Variants in PSG8 observed in about 807,000 individuals in gnomAD.
The protein encoded by PSG8 is pregnancy specific beta-1-glycoprotein 8.
In PSG8, 57 loss-of-function variants were observed where a neutral mutation model predicts 42.5. The ratio of observed to expected loss-of-function variants is 1.34; its 90% CI spans 1.08 to 1.67. The LOEUF (loss-of-function observed/expected upper bound fraction) is 1.67. Among genes scored for constraint, PSG8 ranks in the 40% most tolerant of loss-of-function variants. The pLI is 0.00. For missense variants in PSG8, 783 were observed against 518.6 expected (o/e 1.51, Z -4.95); for synonymous variants, 280 against 196.8 (o/e 1.42, Z -3.54).
intron 1 of PSG8, among the ~76,000 whole-genome samples, chr19:42,764,754 C>T (rs1600423876): frequency 6.6e-6 from 1 of 152,108 alleles, no homozygotes; most frequent in Non-Finnish European, 1.5e-5. Context: ...CTGTCTTCCC[C>T]TCCATGACAG....
chr19:42,759,324 C>G (rs1191831090), intron 2 of PSG8, among the ~76,000 whole-genome samples: 1 of 152,068 alleles, frequency 6.6e-6, no homozygotes, highest in Non-Finnish European at 1.5e-5. Context: ...GAGCTGGGAT[C>G]AGGGCAATAG....
chr19:42,758,052 C>G lies in PSG8; in HGVS notation c.659G>C (p.Arg220Pro), dbSNP rs139399276. ...ACTGCGGCTGGCACTCACTGGGTTC[C>G]GTATTTCACATTCATAGGGTCCTGC... ...YTAGPYECEIRNPVSASRSDP... is the reference protein window; with the variant it reads ...YTAGPYECEIPNPVSASRSDP... The change falls in exon 3 of 5, where the codon CGG (arginine) becomes CCG (proline). Residue 220 changes from arginine to proline, a missense_variant. Transcript: ENST00000306511. 6.2e-7 allele frequency: 1 copy of G among 1,613,878 alleles called. No homozygotes were observed. The highest frequency in any genetic ancestry group is 1.3e-5 in the African/African-American group (1 of 74,894).
At chr19:42,753,741 A>C (rs1026494479), downstream of PSG8, among the ~76,000 whole-genome samples, 73 of 152,180 alleles carry the variant, frequency 4.8e-4, no homozygotes, top group African/African-American at 1.7e-3. Flanking sequence ...CATTCTATCT[A>C]TATCCTTAAA....
At chr19:42,753,264 G>A, downstream of PSG8, 2 of 779,330 alleles carry the variant, frequency 2.6e-6, no homozygotes, top group Non-Finnish European at 4.8e-6. Context: ...TTTACATTGA[G>A]TTGTCCACCT....
rs764585902 is a variant in PSG8 at position 42,754,278 on chromosome 19, G to T, written c.*17C>A. The T allele has an allele frequency of 2.5e-6, 4 of 1,610,884 alleles. No individual in the cohort carries two copies. Among genetic ancestry groups the T allele is most frequent in the South Asian group, 1.1e-5 (1 of 90,824 alleles). ...AATGTTTTCCTGACTCTTCCCTGAA[G>T]GCCAGATAGACTCCACCTAAATCCC... On this transcript the variant is annotated 3_prime_UTR_variant, in exon 5 of 5. Transcript: ENST00000306511.
intron 1 of PSG8, among the ~76,000 whole-genome samples, chr19:42,764,939 A>T (rs1308769613): frequency 2.0e-5 from 3 of 151,956 alleles, no homozygotes; most frequent in Admixed American, 6.6e-5. Flanking sequence ...TGCCCTGTGT[A>T]TATTTTTATG....
chr19:42,756,848 G>C (rs912478794), intron 3 of PSG8, among the ~76,000 whole-genome samples: 4 of 151,648 alleles, frequency 2.6e-5, no homozygotes, highest in Non-Finnish European at 5.9e-5. Context: ...GTGAGATTTA[G>C]GACAGTGTTT....
At chr19:42,755,515 A>C in intron 3 of PSG8, 2 of 822,670 alleles carry the variant, frequency 2.4e-6, no homozygotes, top group Non-Finnish European at 3.6e-6. Context: ...TGGGTCATGG[A>C]CAGACACGTC....
chr19:42,754,409 G>A lies in PSG8; in HGVS notation c.1167C>T (p.Ser389=), dbSNP rs753863481. The A allele has an allele frequency of 5.0e-6, 8 of 1,613,648 alleles. No homozygotes were observed. Among genetic ancestry groups the A allele is most frequent in the African/African-American group, 4.0e-5 (3 of 74,856 alleles). The part of the protein sequence containing the change: ...LFIPQITTKH[S]GLYACSVRNS... The stretch of plus-strand genomic sequence containing the variant: ...TACGAACAGAGCAAGCATAGAGCCC[G>A]CTATGCTTTGTAGTAATTTGGGGGA... Residue 389 remains serine (S), a synonymous_variant, in exon 5 of 5, where the codon AGC becomes AGT. Coordinates refer to ENST00000306511, the MANE Select transcript of PSG8 (RefSeq NM_182707.3).
In PSG8 at chr19:42,754,339, C is replaced by G. The variant is rs1568373281; in HGVS notation, c.1237G>C (p.Val413Leu). The G allele has an allele frequency of 3.7e-6, 6 of 1,613,792 alleles. No individual in the cohort carries two copies. The highest frequency in any genetic ancestry group is 5.1e-6 in the Non-Finnish European group (6 of 1,179,790). ...KESSKSMTVK[V>L]SGKRIPVSLA... ...GATACTGGGATCCGCTTACCAGAGACTTTTACTGTCATGGATTTGGAGCTT... is the reference window on the plus strand; with the variant it reads ...GATACTGGGATCCGCTTACCAGAGAGTTTTACTGTCATGGATTTGGAGCTT... Residue 413 changes from valine to leucine, a missense_variant, in exon 5 of 5, where the codon GTC becomes CTC. Val to Leu is a conservative substitution (Grantham distance 32). Transcript: ENST00000306511.
intron 4 of PSG8, 118 bp downstream of exon 4, chr19:42,754,870 C>T (rs1252644674): frequency 2.1e-5 from 32 of 1,547,322 alleles, no homozygotes; most frequent in African/African-American, 2.8e-5. Flanking sequence ...ATGGCCAGCT[C>T]GGATGTCCAG....
chr19:42,763,600 C>A, intron 2 of PSG8: 3 of 454,462 alleles, frequency 6.6e-6, no homozygotes, highest in South Asian at 6.3e-5. Context: ...ACTCAGTTCT[C>A]CAGGGTCTTT....
chr19:42,764,755 T>C (rs559986812), intron 1 of PSG8, among the ~76,000 whole-genome samples: 25 of 152,200 alleles, frequency 1.6e-4, no homozygotes, highest in African/African-American at 5.3e-4. Flanking sequence ...TGTCTTCCCC[T>C]CCATGACAGC....
chr19:42,765,110 C>A (rs752159811), intron 1 of PSG8, among the ~76,000 whole-genome samples: 42 of 151,934 alleles, frequency 2.8e-4, no homozygotes, highest in Non-Finnish European at 4.9e-4. Context: ...TGTATTTCCC[C>A]CTATCCAGGC....
chr19:42,756,776 T>C (rs1445907255), intron 3 of PSG8, among the ~76,000 whole-genome samples: 2 of 152,206 alleles, frequency 1.3e-5, no homozygotes, highest in East Asian at 3.9e-4. Flanking sequence ...TTTCCACCTT[T>C]TCATGGTTGC....
At chr19:42,758,308 C>A (rs1568376967) in intron 2 of PSG8, 28 bp from the exon 3 acceptor site, 1 of 1,606,140 alleles carries the variant, frequency 6.2e-7, no homozygotes, top group East Asian at 2.2e-5. Flanking sequence ...AGAAGATTGC[C>A]CTGTGTGGCA....
downstream of PSG8, chr19:42,753,992 A>G (rs1406362365): frequency 1.4e-6 from 1 of 706,278 alleles, no homozygotes; most frequent in African/African-American, 1.8e-5. Flanking sequence ...AGATAGGTTA[A>G]AAGAGAAAAA....
downstream of PSG8, chr19:42,753,058 C>G (rs1364006483): frequency 1.7e-6 from 1 of 586,620 alleles, no homozygotes; most frequent in East Asian, 2.8e-5. Context: ...CAGGCATGAG[C>G]AAGGACAGTT....
chr19:42,759,701 T>G (rs560431028), intron 2 of PSG8, among the ~76,000 whole-genome samples: 3 of 152,290 alleles, frequency 2.0e-5, no homozygotes, highest in African/African-American at 7.2e-5. Context: ...AGTTTAGACC[T>G]CATGTTATGT....
Sources: allele counts gnomAD v4.1 joint callset (sites outside exome capture counted in the v4.1 genomes callset), GRCh38; gene constraint gnomAD v4.1.1; transcripts MANE v1.5; gene names NCBI Gene and HGNC (gene_info 2026-07-23, HGNC 2026-07-21).